ADAMTSL3: variants seen among roughly 807,000 people sequenced by gnomAD.
The protein encoded by ADAMTSL3 is ADAMTS-like protein 3.
In ADAMTSL3, 128 loss-of-function variants were observed where a neutral mutation model predicts 201.7. That is an observed-to-expected ratio of 0.63 (90% CI 0.55 to 0.73). The LOEUF is 0.73. ADAMTSL3 is among the 30% of genes least tolerant of loss of function. ADAMTSL3 has a pLI of 0.00. For synonymous variants in ADAMTSL3, 738 were observed against 748.4 expected (o/e 0.99, Z 0.23); for missense variants, 1,990 against 2,119.6 (o/e 0.94, Z 1.20).
intron 3 of ADAMTSL3, among the ~76,000 whole-genome samples, chr15:83,756,742 T>C (rs894158817): frequency 6.6e-6 from 1 of 152,204 alleles, no homozygotes; most frequent in Non-Finnish European, 1.5e-5. Flanking sequence ...CACTTCTGCC[T>C]ATGAGCCTGT....
intron 3 of ADAMTSL3, among the ~76,000 whole-genome samples, chr15:83,716,446 G>A (rs370141061): frequency 4.0e-5 from 6 of 151,162 alleles, no homozygotes; most frequent in Admixed American, 6.6e-5. Context: ...CATGGGAGGC[G>A]GAGGTTTGCA....
chr15:83,832,396 A>C (rs1200987813), intron 6 of ADAMTSL3, among the ~76,000 whole-genome samples: 1 of 152,186 alleles, frequency 6.6e-6, no homozygotes, highest in Non-Finnish European at 1.5e-5. Flanking sequence ...GCTTCTAATC[A>C]CGTTTTTGTG....
intron 27 of ADAMTSL3, among the ~76,000 whole-genome samples, chr15:84,028,130 G>A (rs1345950859): frequency 6.6e-6 from 1 of 152,170 alleles, no homozygotes; most frequent in African/African-American, 2.4e-5. Context: ...TTAAAGGTAT[G>A]GGGTTTCTTT....
chr15:83,985,882 G>A (rs1343485704), intron 21 of ADAMTSL3, among the ~76,000 whole-genome samples: 1 of 151,994 alleles, frequency 6.6e-6, no homozygotes, highest in East Asian at 1.9e-4. Context: ...CACCCACCTC[G>A]GCCTCCCAAA....
intron 2 of ADAMTSL3, among the ~76,000 whole-genome samples, chr15:83,684,978 A>C (rs890561533): frequency 6.6e-6 from 1 of 152,180 alleles, no homozygotes; most frequent in Non-Finnish European, 1.5e-5. Context: ...TAAGAATCCT[A>C]GTTGTACCAT....
intron 26 of ADAMTSL3, among the ~76,000 whole-genome samples, chr15:84,025,008 G>A (rs1428788235): frequency 6.6e-6 from 1 of 152,124 alleles, no homozygotes; most frequent in Non-Finnish European, 1.5e-5. Flanking sequence ...GAAGACAGCT[G>A]TACCCCATTC....
chr15:83,987,671 T>C (rs1464535435), intron 21 of ADAMTSL3, among the ~76,000 whole-genome samples: 1 of 152,118 alleles, frequency 6.6e-6, no homozygotes, highest in Non-Finnish European at 1.5e-5. Context: ...GAACAACATA[T>C]GCAAAAGCTC....
At chr15:83,967,201 A>G (rs2067105583) in intron 19 of ADAMTSL3, among the ~76,000 whole-genome samples, 1 of 152,218 alleles carries the variant, frequency 6.6e-6, no homozygotes, top group African/African-American at 2.4e-5. Flanking sequence ...AGAGAAAGTA[A>G]TAAATGGTAT....
At chr15:83,830,451 G>A (rs1449574407) in intron 6 of ADAMTSL3, among the ~76,000 whole-genome samples, 3 of 152,284 alleles carry the variant, frequency 2.0e-5, no homozygotes, top group East Asian at 3.9e-4. Context: ...AGATAAGGGC[G>A]GGTGAGCATT....
At chr15:83,730,240 A>C (rs1181173390) in intron 3 of ADAMTSL3, among the ~76,000 whole-genome samples, 5 of 152,138 alleles carry the variant, frequency 3.3e-5, no homozygotes, top group Admixed American at 3.3e-4. Context: ...AAGAAGAAAC[A>C]TGGAACATTA....
intron 8 of ADAMTSL3, 61 bp downstream of exon 8, chr15:83,858,901 A>G: frequency 7.2e-7 from 1 of 1,379,858 alleles, no homozygotes; most frequent in Non-Finnish European, 1.0e-6. Context: ...GCCAAAAAAA[A>G]CAAAAAACAA....
chr15:83,867,049 A>G (rs1299650357), intron 8 of ADAMTSL3, among the ~76,000 whole-genome samples: 1 of 152,188 alleles, frequency 6.6e-6, no homozygotes, highest in Non-Finnish European at 1.5e-5. Context: ...TGAATATCTA[A>G]ATATAGAAGT....
intron 15 of ADAMTSL3, among the ~76,000 whole-genome samples, chr15:83,911,092 C>T (rs1334613816): frequency 2.0e-5 from 3 of 151,990 alleles, no homozygotes; most frequent in Admixed American, 1.3e-4. Context: ...AAATTAATGA[C>T]CATAAGGTAA....
chr15:83,715,764 C>G (rs750312375), intron 3 of ADAMTSL3, among the ~76,000 whole-genome samples: 71 of 152,312 alleles, frequency 4.7e-4, no homozygotes, highest in South Asian at 1.0e-3. Flanking sequence ...CAGCTTGGCC[C>G]CAGGTTACCT....
chr15:83,810,561 A>T (rs902190857), intron 5 of ADAMTSL3, among the ~76,000 whole-genome samples: 1 of 152,232 alleles, frequency 6.6e-6, no homozygotes, highest in Non-Finnish European at 1.5e-5. Flanking sequence ...GAAGTCTGAC[A>T]CAGGTCCTAC....
At chr15:83,919,248 G>A (rs571154692) in intron 16 of ADAMTSL3, among the ~76,000 whole-genome samples, 2 of 152,238 alleles carry the variant, frequency 1.3e-5, no homozygotes, top group African/African-American at 4.8e-5. Context: ...GAATTTTCAG[G>A]AGAATACCTA....
chr15:83,969,410 C>T (rs2067151787), intron 19 of ADAMTSL3, among the ~76,000 whole-genome samples: 1 of 152,202 alleles, frequency 6.6e-6, no homozygotes, highest in Non-Finnish European at 1.5e-5. Context: ...TGCCACTGCA[C>T]TCTATCTAGC....
rs530219112 is a variant in ADAMTSL3, at chr15:83,698,578, C to T, written c.70-5811C>T. 2.0e-5 allele frequency among the ~76,000 whole-genome samples: 3 copies of T among 152,116 alleles called. No homozygotes were observed. The East Asian group carries it at 5.8e-4, about 29-fold the overall frequency. On this transcript the variant is annotated intron_variant, in intron 2 of 29. Coordinates refer to ENST00000286744, the MANE Select transcript of ADAMTSL3 (RefSeq NM_207517.3). ...CCTGCTTTCCCTCCAACTTTTGCTA[C>T]TTAAGGGCCCTGACCCCTTTGGTCA... is the stretch of plus-strand genomic sequence containing the variant.
In ADAMTSL3 at chr15:83,810,809, G is replaced by A. The variant is rs1451076768; in HGVS notation, c.363+6114G>A. Among the ~76,000 whole-genome samples, 4 of 152,110 alleles carry A rather than the reference G, an allele frequency of 2.6e-5. No individual in the cohort carries two copies. In the East Asian group the frequency reaches 7.7e-4, roughly 29 times the overall value. ...GCTGGGGTACAGTGGCACGATCTCA[G>A]CTCACTGAAACCTCTGCCTCCCGGG... On this transcript the variant is annotated intron_variant, in intron 5 of 29. Coordinates refer to ENST00000286744, the MANE Select transcript of ADAMTSL3 (RefSeq NM_207517.3).
Sources: gnomAD v4.1 joint callset for allele counts (sites outside exome capture counted in the v4.1 genomes callset) on GRCh38, gnomAD v4.1.1 for gene constraint, MANE v1.5 for transcripts, NCBI Gene and HGNC (gene_info 2026-07-23, HGNC 2026-07-21) for gene names.